Variants in CAMK4 observed in about 807,000 individuals in gnomAD.
CAMK4 encodes the protein calcium/calmodulin-dependent protein kinase type IV.
CAMK4 carries 22 observed loss-of-function variants against 44.9 expected under a neutral mutation model. The observed-to-expected ratio is 0.49, with a 90% CI of 0.35 to 0.70. CAMK4 has a LOEUF of 0.70. Among genes scored for constraint, CAMK4 ranks in the 30% least tolerant of loss-of-function variants. The pLI is 0.01. For missense variants in CAMK4, 498 were observed against 586.8 expected (o/e 0.85, Z 1.56); for synonymous variants, 218 against 215.4 (o/e 1.01, Z -0.11).
chr5:111,327,129 G>A (rs1748927730), intron 1 of CAMK4, among the ~76,000 whole-genome samples: 2 of 151,344 alleles, frequency 1.3e-5, no homozygotes, highest in Admixed American at 6.6e-5. Flanking sequence ...TTTAGCATTA[G>A]GTATATCTCC....
Position 111,279,306 on chromosome 5 carries a change from G to C in CAMK4, c.161+54662G>C, listed in dbSNP as rs531622091. ...GCCCTGTGACTGTAGTTCAATTTGA[G>C]AAACCCTGACTGAGCTATTTGGAAG... On this transcript the variant is annotated intron_variant, in intron 1 of 10. Coordinates refer to ENST00000282356, the MANE Select transcript of CAMK4 (RefSeq NM_001744.6). Among the ~76,000 whole-genome samples, 24 of 152,242 alleles carry C rather than the reference G, an allele frequency of 1.6e-4. No individual in the cohort carries two copies. The South Asian group carries it at 2.5e-3, about 16-fold the overall frequency.
At chr5:111,228,509 G>GTGTGT (rs1748305006) in intron 1 of CAMK4, among the ~76,000 whole-genome samples, 1 of 145,254 alleles carries the variant, frequency 6.9e-6, no homozygotes, top group African/African-American at 2.6e-5. Flanking sequence ...CATAGTAAGG[G>GTGTGT]GTGTGTGTGT....
chr5:111,234,126 G>A (rs1369118475), intron 1 of CAMK4, among the ~76,000 whole-genome samples: 1 of 151,984 alleles, frequency 6.6e-6, no homozygotes, highest in Non-Finnish European at 1.5e-5. Context: ...ATGGTGACTG[G>A]GTCAAAGAAT....
chr5:111,299,855 A>G (rs1747647210), intron 1 of CAMK4, among the ~76,000 whole-genome samples: 1 of 151,432 alleles, frequency 6.6e-6, no homozygotes, highest in Non-Finnish European at 1.5e-5. Context: ...ACTCCTAATC[A>G]TTTGCCCATA....
chr5:111,362,529 T>C (rs1750634362), intron 2 of CAMK4, among the ~76,000 whole-genome samples: 1 of 152,066 alleles, frequency 6.6e-6, no homozygotes, highest in Non-Finnish European at 1.5e-5. Context: ...ACCAAAATGC[T>C]AATGATTAGT....
chr5:111,426,640 C>T (rs1472834672), intron 5 of CAMK4, among the ~76,000 whole-genome samples: 1 of 152,156 alleles, frequency 6.6e-6, no homozygotes, highest in African/African-American at 2.4e-5. Context: ...AACGCCACCC[C>T]TCCCCCACCC....
intron 2 of CAMK4, among the ~76,000 whole-genome samples, chr5:111,349,679 T>C (rs1037195907): frequency 2.0e-5 from 3 of 151,988 alleles, no homozygotes; most frequent in African/African-American, 7.2e-5. Context: ...GTAATTCACA[T>C]GAATTATAGT....
chr5:111,274,239 A>G (rs1293777239), intron 1 of CAMK4, among the ~76,000 whole-genome samples: 2 of 151,922 alleles, frequency 1.3e-5, no homozygotes, highest in African/African-American at 4.8e-5. Flanking sequence ...TCCAATTCCT[A>G]TATCCTCCCA....
At chr5:111,428,650 G>T (rs1561482538) in intron 5 of CAMK4, among the ~76,000 whole-genome samples, 1 of 152,164 alleles carries the variant, frequency 6.6e-6, no homozygotes, top group Non-Finnish European at 1.5e-5. Context: ...GAAAGAATTA[G>T]TGAGCTTGAA....
chr5:111,480,575 G>A (rs1755402416), intron 9 of CAMK4, among the ~76,000 whole-genome samples: 1 of 152,090 alleles, frequency 6.6e-6, no homozygotes, highest in Non-Finnish European at 1.5e-5. Context: ...TGAAACAATG[G>A]ATCTGGAAGT....
intron 7 of CAMK4, among the ~76,000 whole-genome samples, chr5:111,460,754 A>G (rs968016439): frequency 6.6e-6 from 1 of 152,200 alleles, no homozygotes; most frequent in Non-Finnish European, 1.5e-5. Flanking sequence ...ACTCAGTCTG[A>G]TTCAGAGTTG....
At chr5:111,272,078 C>T (rs1750540126) in intron 1 of CAMK4, among the ~76,000 whole-genome samples, 1 of 151,758 alleles carries the variant, frequency 6.6e-6, no homozygotes, top group Non-Finnish European at 1.5e-5. Context: ...TGGTGTCTGG[C>T]CCACAGACAG....
chr5:111,386,074 T>C (rs1751590862), intron 4 of CAMK4, among the ~76,000 whole-genome samples: 1 of 152,154 alleles, frequency 6.6e-6, no homozygotes, highest in East Asian at 1.9e-4. Context: ...GCTAGTAGTA[T>C]CTTTGAAACT....
chr5:111,375,082 A>C (rs540830235), intron 3 of CAMK4, among the ~76,000 whole-genome samples, 170 bp downstream of exon 3: 2 of 152,300 alleles, frequency 1.3e-5, no homozygotes, highest in South Asian at 4.1e-4. Flanking sequence ...TGGCTGAATA[A>C]GTCTTACAAG....
rs1035863406 is a variant in CAMK4, at chr5:111,224,523, T to A, written c.40T>A (p.Cys14Ser). 4.3e-6 allele frequency: 7 copies of A among 1,611,220 alleles called. No individual in the cohort carries two copies. The highest frequency in any genetic ancestry group is 5.9e-6 in the Non-Finnish European group (7 of 1,179,330). The change falls in exon 1 of 11, where the codon TGC becomes AGC. Residue 14 changes from cysteine to serine, a missense_variant. Cys to Ser is a moderately radical substitution (Grantham distance 112, BLOSUM62 -1). This residue lies in a region of CAMK4 where 152 missense variants were observed against 143.7 expected (regional missense o/e 1.06). Coordinates refer to ENST00000282356, the MANE Select transcript of CAMK4 (RefSeq NM_001744.6). The surrounding 1 kb of genome is among the most constrained non-coding windows in gnomAD (Gnocchi z 5.7). Reference protein sequence around the residue: ...VTVPSCSASSCSSVTASAAPG... With the variant: ...VTVPSCSASSSSSVTASAAPG... ...GGTGCCCTCCTGCTCCGCCTCGTCC[T>A]GCTCTTCGGTCACCGCCAGTGCGGC... is the stretch of plus-strand genomic sequence containing the variant.
At chr5:111,461,813 T>A (rs1249760162) in intron 7 of CAMK4, among the ~76,000 whole-genome samples, 14 of 69,166 alleles carry the variant, frequency 2.0e-4, no homozygotes, top group South Asian at 6.6e-4. Flanking sequence ...GCCTCTATAG[T>A]AAAAAAAAAA....
At chr5:111,243,830 C>T (rs1749113577) in intron 1 of CAMK4, among the ~76,000 whole-genome samples, 1 of 152,194 alleles carries the variant, frequency 6.6e-6, no homozygotes, top group South Asian at 2.1e-4. Flanking sequence ...GTGACTGTAT[C>T]TTGTGCCTAT....
intron 1 of CAMK4, among the ~76,000 whole-genome samples, chr5:111,249,060 A>G (rs949468465): frequency 1.3e-5 from 2 of 152,180 alleles, no homozygotes; most frequent in African/African-American, 4.8e-5. Flanking sequence ...TTAGAAAAGC[A>G]CTGGCTCAAT....
At chr5:111,317,775 C>G (rs1417048159) in intron 1 of CAMK4, among the ~76,000 whole-genome samples, 1 of 151,968 alleles carries the variant, frequency 6.6e-6, no homozygotes, top group Non-Finnish European at 1.5e-5. Flanking sequence ...TGGTTTAATG[C>G]TCTGCCATGG....
Sources: gnomAD v4.1 joint callset for allele counts (sites outside exome capture counted in the v4.1 genomes callset) on GRCh38, gnomAD v4.1.1 for gene constraint, gnomAD v4.1.1 regional missense constraint, Gnocchi (gnomAD v3.1) non-coding constraint, MANE v1.5 for transcripts, NCBI Gene and HGNC (gene_info 2026-07-23, HGNC 2026-07-21) for gene names.